The following BTBD7 variants were observed in gnomAD, a reference collection of about 807,000 sequenced individuals.
BTBD7 encodes BTB/POZ domain-containing protein 7.
In BTBD7, 38 loss-of-function variants were observed where a neutral mutation model predicts 99.9. That is an observed-to-expected ratio of 0.38 (90% confidence interval 0.29 to 0.50). The LOEUF (loss-of-function observed/expected upper bound fraction) is 0.50. BTBD7 is among the 20% of genes least tolerant of loss of function. BTBD7 has a pLI of 0.93. For synonymous variants in BTBD7, 520 were observed against 511.4 expected (o/e 1.02, Z -0.23); for missense variants, 1,170 against 1,394.6 (o/e 0.84, Z 2.57).
Position 93,294,702 on chromosome 14 carries a change from C to T in BTBD7, c.318G>A (p.Glu106=), listed in dbSNP as rs748400811. 1.9e-6 allele frequency: 3 copies of T among 1,613,984 alleles called. No individual in the cohort carries two copies. The highest frequency in any genetic ancestry group is 2.5e-6 in the Non-Finnish European group (3 of 1,180,026). The change falls in exon 3 of 11, where the codon GAG becomes GAA. Residue 106 remains glutamate, a synonymous_variant. Transcript: ENST00000334746. ...RDVNALVEEY[E]GTSALKELSL... ...AAAGCTCCTTTAATGCTGATGTTCC[C>T]TCATATTCCTCCACTAATGCATTGA...
chr14:93,248,674 G>A lies in BTBD7; in HGVS notation c.1943-20C>T. On this transcript the variant is annotated intron_variant, in intron 8 of 10. Transcript: ENST00000334746. ...GAGGAACTGGAAGGAGAACAACAGT[G>A]GGCAAGCAAAATTCCTGAGCTACAC... 1 of 1,569,636 alleles carries A rather than the reference G, an allele frequency of 6.4e-7. No individual in the cohort carries two copies. Among genetic ancestry groups the A allele is most frequent in the Middle Eastern group, 2.2e-4 (1 of 4,526 alleles).
intron 1 of BTBD7, among the ~76,000 whole-genome samples, chr14:93,308,061 G>T (rs1401383949): frequency 6.6e-6 from 1 of 152,028 alleles, no homozygotes; most frequent in Non-Finnish European, 1.5e-5. Flanking sequence ...TTGGGAGGCC[G>T]AGGTGGGCGG....
intron 1 of BTBD7, among the ~76,000 whole-genome samples, chr14:93,327,016 C>A (rs1372134988): frequency 5.3e-5 from 8 of 151,960 alleles, no homozygotes; most frequent in Admixed American, 4.6e-4. Context: ...CAAAAATTAG[C>A]CAGGCATGGT....
chr14:93,328,611 T>TAAAAAAAAAAAAAAAAAAAAAAAAAA (rs57161505), intron 1 of BTBD7, among the ~76,000 whole-genome samples: 1 of 101,868 alleles, frequency 9.8e-6, no homozygotes, highest in Non-Finnish European at 2.0e-5. Flanking sequence ...TAAAATTCTT[T>TAAAAAAAAAAAAAAAAAAAAAAAAAA]AAAAAAAAAA....
chr14:93,248,421 T>C, intron 9 of BTBD7, 55 bp downstream of exon 9: 2 of 1,570,368 alleles, frequency 1.3e-6, no homozygotes, highest in Non-Finnish European at 1.7e-6. Context: ...CCCACAATAC[T>C]GCCTGTCTGG....
At chr14:93,264,049 A>G in intron 3 of BTBD7, 56 bp from the exon 4 acceptor site, 1 of 1,481,400 alleles carries the variant, frequency 6.8e-7, no homozygotes, top group Non-Finnish European at 9.4e-7. Context: ...CTTATTGAAC[A>G]TTAGTGTGCT....
intron 1 of BTBD7, among the ~76,000 whole-genome samples, chr14:93,299,585 A>G (rs1431672493): frequency 2.0e-5 from 3 of 149,740 alleles, no homozygotes; most frequent in African/African-American, 7.3e-5. Flanking sequence ...TCTTAATAGC[A>G]TATGATCAAT....
intron 8 of BTBD7, among the ~76,000 whole-genome samples, chr14:93,251,261 A>C (rs2052364660): frequency 6.6e-6 from 1 of 152,260 alleles, no homozygotes; most frequent in Non-Finnish European, 1.5e-5. Context: ...GTAAACTGAT[A>C]AACTGTATAC....
At chr14:93,330,457 T>C (rs2053389069) in intron 1 of BTBD7, among the ~76,000 whole-genome samples, 1 of 152,176 alleles carries the variant, frequency 6.6e-6, no homozygotes, top group African/African-American at 2.4e-5. Flanking sequence ...TTTCCCAAGT[T>C]CTTTGGACTC....
At chr14:93,285,730 T>C (rs1374776414) in intron 3 of BTBD7, among the ~76,000 whole-genome samples, 3 of 152,224 alleles carry the variant, frequency 2.0e-5, no homozygotes, top group Non-Finnish European at 4.4e-5. Context: ...AAAGTCAAAG[T>C]GATCAAACAT....
intron 3 of BTBD7, among the ~76,000 whole-genome samples, chr14:93,280,615 AAGAATCGTAAC>A (rs1472367676): frequency 2.6e-5 from 4 of 152,228 alleles, no homozygotes; most frequent in Non-Finnish European, 5.9e-5. Flanking sequence ...TTTTAGTGCA[AAGAATCGTAAC>A]AGAGCTCAAA....
Position 93,332,841 on chromosome 14 carries a change from T to C in BTBD7, c.-128A>G, listed in dbSNP as rs944884845. The C allele has an allele frequency of 6.8e-7, 1 of 1,478,216 alleles. No homozygotes were observed. The highest frequency in any genetic ancestry group is 8.9e-7 in the Non-Finnish European group (1 of 1,120,890). 91.6% of individuals were successfully genotyped at this position (1,478,216 alleles called of 1,614,324 possible). A position where few individuals can be genotyped will look rare whatever the true frequency, so the allele number is the denominator to read the frequency against. ...TCACCCCGGAGGCTCCTCCCGCCGCTGCTGCTGCCGCTGGGACCGCTGCCG... is the reference window on the plus strand; with the variant it reads ...TCACCCCGGAGGCTCCTCCCGCCGCCGCTGCTGCCGCTGGGACCGCTGCCG... On this transcript the variant is annotated 5_prime_UTR_variant, in exon 1 of 11. Transcript: ENST00000334746.
chr14:93,251,050 C>T (rs937544196), intron 8 of BTBD7, among the ~76,000 whole-genome samples: 1 of 152,200 alleles, frequency 6.6e-6, no homozygotes, highest in Admixed American at 6.5e-5. Flanking sequence ...CCACAGGGCA[C>T]AACTGGCAAT....
At chr14:93,254,131 G>A (rs2052402816) in intron 6 of BTBD7, among the ~76,000 whole-genome samples, 1 of 152,008 alleles carries the variant, frequency 6.6e-6, no homozygotes, top group Non-Finnish European at 1.5e-5. Context: ...TAGAGACGGG[G>A]TTTCACCATG....
Position 93,266,113 on chromosome 14 carries a change from C to T in BTBD7, c.1163-2120G>A, listed in dbSNP as rs142303422. Among the ~76,000 whole-genome samples, 166 of 151,440 alleles carry T rather than the reference C, an allele frequency of 1.1e-3. 2 individuals carry two copies. The East Asian group carries it at 0.023, about 21-fold the overall frequency. The stretch of plus-strand genomic sequence containing the variant: ...GAATTAGTTCTACATTTAAAGAAAT[C>T]GACTGCACAGCAGATGATGGTTGGC... On this transcript the variant is annotated intron_variant, in intron 3 of 10. Transcript: ENST00000334746.
chr14:93,255,365 T>C (rs1157478342), intron 6 of BTBD7: 1 of 152,204 alleles, frequency 6.6e-6, no homozygotes, highest in African/African-American at 2.4e-5. Context: ...CAGGCTGGTC[T>C]TGAACTCCTC....
intron 1 of BTBD7, among the ~76,000 whole-genome samples, chr14:93,323,660 G>A (rs1431888748): frequency 3.9e-5 from 6 of 152,184 alleles, no homozygotes; most frequent in Admixed American, 1.3e-4. Flanking sequence ...TGCTCCTTCC[G>A]TAAAGGACTA....
intron 3 of BTBD7, among the ~76,000 whole-genome samples, chr14:93,272,796 G>GT (rs2052614141): frequency 6.6e-6 from 1 of 152,146 alleles, no homozygotes; most frequent in Non-Finnish European, 1.5e-5. Context: ...CTTAGATGCT[G>GT]TGACTCTGAG....
chr14:93,279,270 C>T (rs1450319908), intron 3 of BTBD7, among the ~76,000 whole-genome samples: 1 of 152,176 alleles, frequency 6.6e-6, no homozygotes, highest in Non-Finnish European at 1.5e-5. Context: ...TGCCATACCT[C>T]TCTTTGCAAC....
Sources: gnomAD v4.1 joint callset for allele counts (sites outside exome capture counted in the v4.1 genomes callset) on GRCh38, gnomAD v4.1.1 for gene constraint, MANE v1.5 for transcripts, NCBI Gene and HGNC (gene_info 2026-07-23, HGNC 2026-07-21) for gene names.